ACSM6: variants seen among roughly 807,000 people sequenced by gnomAD.
ACSM6 encodes acyl-coenzyme A synthetase ACSM6, mitochondrial.
In ACSM6, 35 loss-of-function variants were observed where a neutral mutation model predicts 51.1. The ratio of observed to expected loss-of-function variants is 0.69; its 90% CI spans 0.52 to 0.91. ACSM6 has a LOEUF of 0.91. Ranked by LOEUF, ACSM6 falls within the 40% of genes least tolerant of loss-of-function variation. ACSM6 has a pLI of 0.00. For synonymous variants in ACSM6, 172 were observed against 207.3 expected, an observed-to-expected ratio of 0.83 and a Z score of 1.46; for missense variants, 509 against 584.1, an observed-to-expected ratio of 0.87 and a Z score of 1.32.
chr10:95,198,333 C>T (rs1366068572), intron 2 of ACSM6, among the ~76,000 whole-genome samples: 2 of 152,024 alleles, frequency 1.3e-5, no homozygotes, highest in African/African-American at 4.8e-5. Flanking sequence ...TTACTTGGGT[C>T]GCACAAAGAT....
rs2034707211 is a variant in ACSM6, at chr10:95,194,591, CCT to C, written c.107_108del (p.Pro36ArgfsTer14). ...ATGTGCTACTCAGACCATCAGACCC[CCT>C]GACTCCAGGTGCCTAGTCCAAGCAG... On this transcript the variant is annotated frameshift_variant, in exon 2 of 11. Coordinates refer to ENST00000341686, the Ensembl canonical transcript of ACSM6. LOFTEE classifies it high-confidence loss of function. The C allele has an allele frequency of 1.9e-6, 3 of 1,552,146 alleles. No individual in the cohort carries two copies. In the East Asian group the frequency reaches 7.3e-5, roughly 38 times the overall value.
chr10:95,199,697 G>A (rs1348659704), intron 2 of ACSM6, among the ~76,000 whole-genome samples: 1 of 152,128 alleles, frequency 6.6e-6, no homozygotes, highest in Non-Finnish European at 1.5e-5. Context: ...CAAAGGATAT[G>A]AACAGACACT....
chr10:95,222,566 T>C (rs952928007), intron 9 of ACSM6, among the ~76,000 whole-genome samples: 19 of 149,202 alleles, frequency 1.3e-4, no homozygotes, highest in African/African-American at 4.5e-4. Flanking sequence ...CAGGTTGTAG[T>C]GAGCAGAGAT....
intron 10 of ACSM6, among the ~76,000 whole-genome samples, chr10:95,226,565 A>G (rs1047446340): frequency 5.9e-5 from 9 of 152,238 alleles, no homozygotes; most frequent in African/African-American, 2.2e-4. Flanking sequence ...CAACAGAGCA[A>G]TACCCTGTCT....
At chr10:95,207,877 A>T (rs1374835793) in intron 4 of ACSM6, among the ~76,000 whole-genome samples, 1 of 152,210 alleles carries the variant, frequency 6.6e-6, no homozygotes. Context: ...CGGGAGGCTC[A>T]TGCCTGTAAT....
chr10:95,216,348 G>A (rs2034944068), intron 8 of ACSM6, among the ~76,000 whole-genome samples: 1 of 152,076 alleles, frequency 6.6e-6, no homozygotes, highest in African/African-American at 2.4e-5. Flanking sequence ...TGAGCAGTAG[G>A]GAATTAGCAC....
intron 2 of ACSM6, among the ~76,000 whole-genome samples, chr10:95,195,427 T>C (rs2034715146): frequency 6.6e-6 from 1 of 152,114 alleles, no homozygotes; most frequent in Admixed American, 6.5e-5. Context: ...TGGCTAGGTA[T>C]AGGGTCAGAG....
chr10:95,203,268 C>T (rs928191488), intron 3 of ACSM6, among the ~76,000 whole-genome samples: 1 of 152,300 alleles, frequency 6.6e-6, no homozygotes, highest in African/African-American at 2.4e-5. Context: ...AGATGGGACT[C>T]TCTAGTTGCA....
intron 10 of ACSM6, chr10:95,228,438 A>G: frequency 2.5e-5 from 1 of 40,360 alleles, no homozygotes; most frequent in South Asian, 5.8e-4. Flanking sequence ...TAGCTGGGAC[A>G]AAAAAAAAAA....
intron 10 of ACSM6, chr10:95,228,329 A>G: frequency 4.5e-6 from 1 of 221,900 alleles, no homozygotes; most frequent in Non-Finnish European, 8.8e-6. Flanking sequence ...CTCCTTACAC[A>G]TACTGTACCT....
Position 95,223,159 on chromosome 10 carries a change from GACACACAC to G in ACSM6, c.1201-2106_1201-2099del, listed in dbSNP as rs10572248. ...CCTATCCAAAACACGCACACATACA[GACACACAC>G]ACACACACACACACACACACACACT... On this transcript the variant is annotated intron_variant, in intron 9 of 10. Coordinates refer to ENST00000341686, the Ensembl canonical transcript of ACSM6. 3.9e-3 allele frequency among the ~76,000 whole-genome samples: 578 copies of G among 146,896 alleles called. 5 individuals are homozygous for G. The highest frequency in any genetic ancestry group is 0.024 in the Middle Eastern group (7 of 286).
intron 7 of ACSM6, among the ~76,000 whole-genome samples, chr10:95,213,155 A>C (rs2034911922): frequency 6.6e-6 from 1 of 152,222 alleles, no homozygotes; most frequent in African/African-American, 2.4e-5. Flanking sequence ...AAATTAAATT[A>C]TAATTAGAAG....
chr10:95,208,638 A>C (rs1462779277), intron 4 of ACSM6, among the ~76,000 whole-genome samples: 1 of 152,218 alleles, frequency 6.6e-6, no homozygotes, highest in Non-Finnish European at 1.5e-5. Context: ...CGTCCAAAAT[A>C]GGTGAGTACA....
intron 9 of ACSM6, among the ~76,000 whole-genome samples, chr10:95,222,831 T>C (rs2035005962): frequency 7.0e-6 from 1 of 142,970 alleles, no homozygotes. Context: ...TAAGGAGATA[T>C]ATTAAGTGTT....
chr10:95,216,537 G>A (rs975963479), intron 8 of ACSM6, among the ~76,000 whole-genome samples: 1 of 152,148 alleles, frequency 6.6e-6, no homozygotes, highest in Non-Finnish European at 1.5e-5. Flanking sequence ...AGGAATGACT[G>A]AGAGGTTGGT....
intron 9 of ACSM6, among the ~76,000 whole-genome samples, chr10:95,223,655 ACTAGCAATGAAAGGGAG>A (rs926981549): frequency 4.6e-5 from 7 of 152,144 alleles, no homozygotes; most frequent in African/African-American, 1.7e-4. Context: ...CCCTCAACAA[ACTAGCAATGAAAGGGAG>A]CTTTCTCAAC....
exon 10 of ACSM6, chr10:95,225,381 G>A: frequency 6.5e-7 from 1 of 1,535,610 alleles, no homozygotes; most frequent in African/African-American, 1.4e-5. Flanking sequence ...TCTCTGTACT[G>A]TCCACACATG....
chr10:95,216,901 A>C (rs1289862661), intron 8 of ACSM6, among the ~76,000 whole-genome samples: 4 of 152,208 alleles, frequency 2.6e-5, no homozygotes, highest in Admixed American at 2.6e-4. Flanking sequence ...GGGAACAAAC[A>C]GTCCTGTTCC....
intron 8 of ACSM6, among the ~76,000 whole-genome samples, chr10:95,217,627 C>T (rs1441620776): frequency 6.6e-6 from 1 of 152,126 alleles, no homozygotes; most frequent in African/African-American, 2.4e-5. Flanking sequence ...AACACCAAAG[C>T]CTTTTTATAG....
Sources: gnomAD v4.1 joint callset for allele counts (sites outside exome capture counted in the v4.1 genomes callset) on GRCh38, gnomAD v4.1.1 for gene constraint, MANE v1.5 for transcripts, NCBI Gene and HGNC (gene_info 2026-07-23, HGNC 2026-07-21) for gene names.